OPCML: variants seen among roughly 807,000 people sequenced by gnomAD.
The protein encoded by OPCML is opioid binding protein/cell adhesion molecule like.
OPCML carries 13 observed loss-of-function variants against 37.8 expected under a neutral mutation model. That is an observed-to-expected ratio of 0.34 (90% CI 0.22 to 0.55). OPCML has a LOEUF of 0.55. OPCML is among the 20% of genes least tolerant of loss of function. The pLI is 0.91. For missense variants in OPCML, 341 were observed against 435.6 expected, an observed-to-expected ratio of 0.78 and a Z score of 1.93; for synonymous variants, 176 against 168.8, an observed-to-expected ratio of 1.04 and a Z score of -0.33.
chr11:133,080,133 G>C (rs1948687741), intron 1 of OPCML, among the ~76,000 whole-genome samples: 1 of 152,132 alleles, frequency 6.6e-6, no homozygotes, highest in African/African-American at 2.4e-5. Flanking sequence ...AGAACTACTG[G>C]CCAATCCACA....
At chr11:132,934,752 C>A (rs896202661) in intron 2 of OPCML, among the ~76,000 whole-genome samples, 2 of 152,116 alleles carry the variant, frequency 1.3e-5, no homozygotes, top group Non-Finnish European at 2.9e-5. Flanking sequence ...CCATTATTGT[C>A]TTTTCTGTCC....
chr11:132,772,059 T>A (rs1406891977), intron 2 of OPCML: 1 of 152,300 alleles, frequency 6.6e-6, no homozygotes, highest in African/African-American at 2.4e-5. Flanking sequence ...GTAAATGCCA[T>A]CTTCTGAAAC....
At chr11:132,750,921 A>C (rs1945809771) in intron 2 of OPCML, among the ~76,000 whole-genome samples, 1 of 151,734 alleles carries the variant, frequency 6.6e-6, no homozygotes, top group Non-Finnish European at 1.5e-5. Flanking sequence ...AACACGGTAT[A>C]TTTTCTATGT....
At chr11:133,443,243 A>C (rs979918063) in intron 1 of OPCML, among the ~76,000 whole-genome samples, 4 of 152,136 alleles carry the variant, frequency 2.6e-5, no homozygotes, top group African/African-American at 9.7e-5. Flanking sequence ...AGCCCCAACC[A>C]ATCTTTTATA....
At chr11:132,696,951 A>C (rs534747400) in intron 2 of OPCML, among the ~76,000 whole-genome samples, 17 of 152,332 alleles carry the variant, frequency 1.1e-4, no homozygotes, top group Non-Finnish European at 1.9e-4. Context: ...ATTTCCAAAC[A>C]CTAAGAATAA....
intron 1 of OPCML, among the ~76,000 whole-genome samples, chr11:133,503,685 C>T (rs1045594835): frequency 8.5e-5 from 13 of 152,316 alleles, no homozygotes; most frequent in Non-Finnish European, 1.6e-4. Flanking sequence ...GGGATCTATC[C>T]GGGTCAGGCT....
intron 1 of OPCML, among the ~76,000 whole-genome samples, chr11:133,049,744 C>T (rs1948094913): frequency 6.6e-6 from 1 of 152,204 alleles, no homozygotes; most frequent in South Asian, 2.1e-4. Flanking sequence ...TGGTTTCACT[C>T]CCGTGCTGTG....
At chr11:132,871,917 C>T (rs186391436) in intron 2 of OPCML, among the ~76,000 whole-genome samples, 5 of 152,250 alleles carry the variant, frequency 3.3e-5, no homozygotes, top group Admixed American at 6.5e-5. Context: ...CTCCCTTTAC[C>T]GAACCTGCCT....
rs184351196 is a variant in OPCML at position 132,999,673 on chromosome 11, C to T, written c.62-56663G>A. On this transcript the variant is annotated intron_variant, in intron 1 of 7. Coordinates refer to ENST00000524381, the MANE Select transcript of OPCML (RefSeq NM_001012393.5). ...CCACGAGCGTGCCTGTGTGGTACAG[C>T]CAGAGGCGGCCATCAGAAATGTCAG... Among the ~76,000 whole-genome samples, 4 of 152,226 alleles carry T rather than the reference C, an allele frequency of 2.6e-5. No homozygotes were observed. The East Asian group carries it at 7.7e-4, about 29-fold the overall frequency.
chr11:132,703,385 C>T (rs1359290667), intron 2 of OPCML, among the ~76,000 whole-genome samples: 1 of 152,264 alleles, frequency 6.6e-6, no homozygotes, highest in Middle Eastern at 3.4e-3. Context: ...CCATGATTGA[C>T]CAAAATGTTG....
intron 1 of OPCML, among the ~76,000 whole-genome samples, chr11:133,044,593 C>A (rs1947972122): frequency 6.6e-6 from 1 of 152,204 alleles, no homozygotes. Context: ...CTCAGCCAAG[C>A]ACCTTGTATG....
chr11:133,412,322 A>T (rs2136870156), intron 1 of OPCML, among the ~76,000 whole-genome samples: 1 of 152,336 alleles, frequency 6.6e-6, no homozygotes, highest in Non-Finnish European at 1.5e-5. Flanking sequence ...AAGAGAATCA[A>T]TACCCAGACC....
At chr11:132,812,287 C>T (rs1248600830) in intron 2 of OPCML, among the ~76,000 whole-genome samples, 1 of 152,146 alleles carries the variant, frequency 6.6e-6, no homozygotes, top group Non-Finnish European at 1.5e-5. Context: ...CTCAATTTTA[C>T]TCCCTGTGTC....
At chr11:132,557,178 T>C (rs1426753068) in intron 3 of OPCML, among the ~76,000 whole-genome samples, 2 of 152,202 alleles carry the variant, frequency 1.3e-5, no homozygotes, top group East Asian at 3.9e-4. Flanking sequence ...ACTGTTGTTA[T>C]TAAATACAGT....
chr11:133,135,046 A>C (rs1041011182), intron 1 of OPCML, among the ~76,000 whole-genome samples: 9 of 152,132 alleles, frequency 5.9e-5, no homozygotes, highest in Admixed American at 5.9e-4. Context: ...AGAGCACTGA[A>C]TTGTACAATC....
intron 1 of OPCML, among the ~76,000 whole-genome samples, chr11:133,227,350 C>T (rs1940083355): frequency 6.6e-6 from 1 of 152,186 alleles, no homozygotes; most frequent in African/African-American, 2.4e-5. Flanking sequence ...GTGATTTTGT[C>T]AGATCATCAC....
intron 4 of OPCML, among the ~76,000 whole-genome samples, chr11:132,467,523 C>T (rs1565586697): frequency 6.6e-6 from 1 of 152,218 alleles, no homozygotes; most frequent in Non-Finnish European, 1.5e-5. Flanking sequence ...TTAAAGGCAT[C>T]ATGTGAGTTA....
At chr11:132,607,973 C>G (rs1938409620) in intron 3 of OPCML, among the ~76,000 whole-genome samples, 1 of 152,144 alleles carries the variant, frequency 6.6e-6, no homozygotes, top group African/African-American at 2.4e-5. Flanking sequence ...ATACAATAAT[C>G]TATTGCATAG....
intron 1 of OPCML, among the ~76,000 whole-genome samples, chr11:133,369,355 A>G (rs996469739): frequency 6.6e-6 from 1 of 152,250 alleles, no homozygotes; most frequent in Non-Finnish European, 1.5e-5. Flanking sequence ...CAGTACTGCA[A>G]TGAATATCAT....
Sources: gnomAD v4.1 joint callset for allele counts (sites outside exome capture counted in the v4.1 genomes callset) on GRCh38, gnomAD v4.1.1 for gene constraint, MANE v1.5 for transcripts, NCBI Gene and HGNC (gene_info 2026-07-23, HGNC 2026-07-21) for gene names.